Variants in CES5A observed in about 807,000 individuals in gnomAD.
The protein encoded by CES5A is carboxylesterase 5A, also known as carboxylesterase 5.
A neutral mutation model predicts 62.9 loss-of-function variants in CES5A; 67 were observed. The observed-to-expected ratio is 1.07, with a 90% CI of 0.88 to 1.31. CES5A has a LOEUF of 1.31. Among genes scored for constraint, CES5A ranks in the 50% most tolerant of loss-of-function variants. CES5A has a pLI of 0.00. For synonymous variants in CES5A, 296 were observed against 280.8 expected, an observed-to-expected ratio of 1.05 and a Z score of -0.54; for missense variants, 748 against 708.5, an observed-to-expected ratio of 1.06 and a Z score of -0.63.
intron 1 of CES5A, among the ~76,000 whole-genome samples, chr16:55,893,117 C>A (rs1258980784): frequency 2.0e-5 from 3 of 152,036 alleles, no homozygotes; most frequent in Non-Finnish European, 2.9e-5. Context: ...GAGGGAAGGG[C>A]TAGAAAACAG....
intron 4 of CES5A, among the ~76,000 whole-genome samples, chr16:55,867,542 G>C (rs7187106): frequency 6.6e-6 from 1 of 152,134 alleles, no homozygotes; most frequent in Non-Finnish European, 1.5e-5. Context: ...CACTGAGCTG[G>C]CTCTCACTCC....
At chr16:55,907,702 G>A (rs1045443666) in intron 1 of CES5A, among the ~76,000 whole-genome samples, 1 of 152,102 alleles carries the variant, frequency 6.6e-6, no homozygotes, top group Non-Finnish European at 1.5e-5. Context: ...TCTCAGGTGA[G>A]CCCCCCACAG....
intron 2 of CES5A, among the ~76,000 whole-genome samples, chr16:55,935,079 A>T (rs753597951): frequency 6.6e-6 from 1 of 152,152 alleles, no homozygotes; most frequent in Non-Finnish European, 1.5e-5. Flanking sequence ...AGTAGCTGGG[A>T]TTACAGGTGT....
At chr16:55,893,439 A>G (rs1001768837) in intron 1 of CES5A, among the ~76,000 whole-genome samples, 1 of 152,212 alleles carries the variant, frequency 6.6e-6, no homozygotes, top group Non-Finnish European at 1.5e-5. Context: ...AAGAACTTTA[A>G]GGTGATTACT....
chr16:55,948,866 T>C (rs968645318), intron 2 of CES5A, among the ~76,000 whole-genome samples: 41 of 152,296 alleles, frequency 2.7e-4, no homozygotes, highest in African/African-American at 8.7e-4. Flanking sequence ...AGGTCAGAAA[T>C]GACTCCAAGA....
chr16:55,920,646 T>TA (rs1389384158), intron 1 of CES5A, among the ~76,000 whole-genome samples: 2 of 151,890 alleles, frequency 1.3e-5, no homozygotes, highest in Admixed American at 6.6e-5. Context: ...ATACATCCAA[T>TA]AAAAAACAAA....
chr16:55,931,720 C>G (rs551134195), intron 2 of CES5A, among the ~76,000 whole-genome samples: 1 of 152,172 alleles, frequency 6.6e-6, no homozygotes, highest in Non-Finnish European at 1.5e-5. Context: ...TCCAACCTTC[C>G]CCCAAATTAG....
intron 10 of CES5A, among the ~76,000 whole-genome samples, chr16:55,851,006 G>A (rs1348889851): frequency 1.3e-5 from 2 of 152,060 alleles, no homozygotes; most frequent in African/African-American, 4.8e-5. Context: ...ATGGATCAAA[G>A]ACCTAAATGT....
intron 1 of CES5A, among the ~76,000 whole-genome samples, chr16:55,886,123 A>G (rs1597134954): frequency 6.6e-6 from 1 of 152,332 alleles, no homozygotes; most frequent in East Asian, 1.9e-4. Flanking sequence ...CTAAAATTCA[A>G]CTGTTACATA....
At chr16:55,876,538 T>C (rs2033696322), upstream of CES5A, among the ~76,000 whole-genome samples, 1 of 152,184 alleles carries the variant, frequency 6.6e-6, no homozygotes, top group African/African-American at 2.4e-5. Context: ...TGATGCAAAG[T>C]GCCCTGACTC....
At chr16:55,911,572 T>C (rs1304962027) in intron 1 of CES5A, among the ~76,000 whole-genome samples, 1 of 152,218 alleles carries the variant, frequency 6.6e-6, no homozygotes, top group African/African-American at 2.4e-5. Context: ...GATAAAGAGA[T>C]GAAGGCACTG....
intron 1 of CES5A, among the ~76,000 whole-genome samples, chr16:55,886,479 C>T (rs538276709): frequency 9.9e-5 from 15 of 152,244 alleles, no homozygotes; most frequent in African/African-American, 3.6e-4. Context: ...TCATGTCAAC[C>T]AGCCTCCCTC....
At chr16:55,911,877 C>A (rs760051538) in intron 1 of CES5A, among the ~76,000 whole-genome samples, 1 of 152,188 alleles carries the variant, frequency 6.6e-6, no homozygotes, top group Non-Finnish European at 1.5e-5. Context: ...CCTGCCCAGA[C>A]CCAGACCAGT....
At chr16:55,924,826 G>A (rs1461672011) in intron 1 of CES5A, among the ~76,000 whole-genome samples, 1 of 151,980 alleles carries the variant, frequency 6.6e-6, no homozygotes, top group African/African-American at 2.4e-5. Context: ...GCAGAAGAAT[G>A]AAACTAGACC....
upstream of CES5A, among the ~76,000 whole-genome samples, chr16:55,876,256 AT>A (rs113271559): frequency 3.0e-4 from 45 of 152,118 alleles, no homozygotes; most frequent in South Asian, 2.5e-3. Context: ...AATTTACTTG[AT>A]TTTTTTTCTT....
intron 2 of CES5A, among the ~76,000 whole-genome samples, chr16:55,946,040 A>G (rs1487159587): frequency 6.6e-6 from 1 of 152,216 alleles, no homozygotes; most frequent in Non-Finnish European, 1.5e-5. Context: ...TAAATAATGA[A>G]TGGAATTTAC....
chr16:55,910,639 G>A lies in CES5A; in HGVS notation c.-256+14684C>T, dbSNP rs114037944. 7.1e-3 allele frequency among the ~76,000 whole-genome samples: 1,075 copies of A among 152,272 alleles called. 13 individuals carry two copies. The highest frequency in any genetic ancestry group is 0.025 in the African/African-American group (1,027 of 41,558). On this transcript the variant is annotated intron_variant, in intron 1 of 12. Coordinates refer to the CES5A transcript ENST00000518005. ...TAAAACCTAAACCTTCCATATGCAC[G>A]CACTTGGCAATTAAATTAATTAGGG...
At chr16:55,849,577 T>A in intron 11 of CES5A, 47 bp downstream of exon 11, 1 of 1,597,966 alleles carries the variant, frequency 6.3e-7, no homozygotes, top group Non-Finnish European at 8.6e-7. Flanking sequence ...CGTGGTGGGG[T>A]AAGCAAGGGG....
At chr16:55,868,153 T>A (rs761817070) in intron 4 of CES5A, among the ~76,000 whole-genome samples, 29 of 152,338 alleles carry the variant, frequency 1.9e-4, no homozygotes, top group Middle Eastern at 3.4e-3. Flanking sequence ...TAGCTTCATC[T>A]ACCTATGATC....
Sources: allele counts gnomAD v4.1 joint callset (sites outside exome capture counted in the v4.1 genomes callset), GRCh38; gene constraint gnomAD v4.1.1; transcripts MANE v1.5; gene names NCBI Gene and HGNC (gene_info 2026-07-23, HGNC 2026-07-21).